Variants in NBPF11 observed in about 807,000 individuals in gnomAD.
NBPF11 encodes NBPF member 11.
A neutral mutation model predicts 93.9 loss-of-function variants in NBPF11; 72 were observed. That is an observed-to-expected ratio of 0.77 (90% CI 0.63 to 0.93). NBPF11 has a LOEUF of 0.93. Ranked by LOEUF, NBPF11 falls within the 40% of genes least tolerant of loss-of-function variation. The probability of loss-of-function intolerance (pLI) is 0.00; values close to 1 mark genes in which losing one functional copy is unlikely to be tolerated. For missense variants in NBPF11, 705 were observed against 802.2 expected, an observed-to-expected ratio of 0.88 and a Z score of 1.46; for synonymous variants, 224 against 304.9, an observed-to-expected ratio of 0.73 and a Z score of 2.76.
intron 1 of NBPF11, chr1:148,149,150 G>A (rs2149315616): frequency 1.3e-5 from 20 of 1,586,712 alleles, no homozygotes; most frequent in Middle Eastern, 2.3e-4. Flanking sequence ...ACCCTGCTCC[G>A]GCGCCGCCAG....
chr1:148,114,280 A>G (rs1665961195), intron 15 of NBPF11, among the ~76,000 whole-genome samples, 157 bp downstream of exon 15: 1 of 151,900 alleles, frequency 6.6e-6, no homozygotes, highest in Admixed American at 6.6e-5. Flanking sequence ...TAAAACCAAC[A>G]CAAGTGCCAC....
chr1:148,116,985 G>C (rs1214692872), intron 12 of NBPF11, among the ~76,000 whole-genome samples: 1 of 152,120 alleles, frequency 6.6e-6, no homozygotes, highest in African/African-American at 2.4e-5. Flanking sequence ...TGTTATTCAG[G>C]GACATTCTAT....
intron 21 of NBPF11, among the ~76,000 whole-genome samples, 183 bp from the exon 22 acceptor site, chr1:148,105,711 G>GAGAA (rs2149166176): frequency 2.1e-5 from 1 of 47,828 alleles, no homozygotes; most frequent in Non-Finnish European, 3.5e-5. Flanking sequence ...AAGAATGAAA[G>GAGAA]AGAAAGACAG....
At chr1:148,138,864 GT>G (rs1671757913) in intron 2 of NBPF11, among the ~76,000 whole-genome samples, 1 of 151,818 alleles carries the variant, frequency 6.6e-6, no homozygotes, top group Non-Finnish European at 1.5e-5. Context: ...GCCAAGGCAG[GT>G]GGATCACTTG....
At chr1:148,106,324 GC>G (rs1663604658) in intron 20 of NBPF11, 92 bp from the exon 21 acceptor site, 1 of 707,246 alleles carries the variant, frequency 1.4e-6, no homozygotes, top group Non-Finnish European at 2.6e-6. Flanking sequence ...GGGATCTCAG[GC>G]TCCTCAGCAT....
intron 1 of NBPF11, among the ~76,000 whole-genome samples, chr1:148,144,087 C>T (rs2355399): frequency 4.0e-4 from 61 of 151,522 alleles, no homozygotes; most frequent in Middle Eastern, 3.2e-3. Flanking sequence ...GAAGTTTTCA[C>T]AAAGTAAGGA....
chr1:148,105,765 C>A (rs1378354380), intron 21 of NBPF11, among the ~76,000 whole-genome samples: 2 of 87,766 alleles, frequency 2.3e-5, no homozygotes, highest in African/African-American at 9.2e-5. Context: ...CACAAAGACA[C>A]ACACACACAC....
rs1662525144 is a variant in NBPF11 at position 148,102,305 on chromosome 1, T to TA, written c.*1590dup. On this transcript the variant is annotated 3_prime_UTR_variant, in exon 24 of 24. Coordinates refer to ENST00000682118, the MANE Select transcript of NBPF11 (RefSeq NM_001385469.3). The stretch of plus-strand genomic sequence containing the variant: ...AGACCCAAAATTTGCAGCGTAGAGA[T>TA]ATGAATATAATAATAGACACAGGCA... 1 of 151,864 alleles carries TA rather than the reference T, an allele frequency of 6.6e-6. No homozygotes were observed. The highest frequency in any genetic ancestry group is 1.9e-4 in the East Asian group (1 of 5,206). The allele number at this position is 151,864 out of a possible 1,614,324, so 9.4% of individuals were successfully genotyped here. A position where few individuals can be genotyped will look rare whatever the true frequency, so the allele number is the denominator to read the frequency against.
chr1:148,142,351 T>A (rs1385034012), intron 2 of NBPF11, among the ~76,000 whole-genome samples: 2 of 151,956 alleles, frequency 1.3e-5, no homozygotes, highest in African/African-American at 4.9e-5. Context: ...CTGAAACACA[T>A]TATTCCTCTG....
intron 15 of NBPF11, among the ~76,000 whole-genome samples, chr1:148,111,251 A>G (rs1351294514): frequency 9.2e-5 from 14 of 152,230 alleles, no homozygotes; most frequent in Middle Eastern, 3.4e-3. Flanking sequence ...TCTGTAGGTC[A>G]CCATCATCAA....
chr1:148,146,617 G>A (rs1211057442), intron 1 of NBPF11: 45 of 1,610,986 alleles, frequency 2.8e-5, no homozygotes, highest in East Asian at 1.3e-4. Context: ...GGAGCGTGCC[G>A]ACTTCCAGTA....
chr1:148,103,665 C>T lies in NBPF11; in HGVS notation c.*231G>A, dbSNP rs1280345378. ...ATGACACCTCTCGGCTTAGTAAGGG[C>T]TGCTTATTGTGGGAATATGACTCCC... On this transcript the variant is annotated 3_prime_UTR_variant, in exon 24 of 24. Coordinates refer to ENST00000682118, the MANE Select transcript of NBPF11 (RefSeq NM_001385469.3). 1.4e-5 allele frequency: 22 copies of T among 1,611,074 alleles called. No homozygotes were observed. The highest frequency in any genetic ancestry group is 6.7e-5 in the African/African-American group (5 of 74,728).
chr1:148,109,565 T>C (rs1358771265), intron 16 of NBPF11, among the ~76,000 whole-genome samples: 1 of 147,264 alleles, frequency 6.8e-6, no homozygotes, highest in Non-Finnish European at 1.5e-5. Context: ...ATTTTCCCTA[T>C]GTGCTCTGTC....
chr1:148,141,654 C>A (rs1672190633), intron 2 of NBPF11, among the ~76,000 whole-genome samples: 1 of 151,786 alleles, frequency 6.6e-6, no homozygotes, highest in East Asian at 1.9e-4. Flanking sequence ...GCTAGCAGAT[C>A]AGTTAGGCAG....
chr1:148,113,287 A>C (rs1665746932), intron 15 of NBPF11, among the ~76,000 whole-genome samples: 1 of 151,974 alleles, frequency 6.6e-6, no homozygotes, highest in South Asian at 2.1e-4. Flanking sequence ...CTACCAAGCA[A>C]ATGGAAAGCA....
intron 15 of NBPF11, among the ~76,000 whole-genome samples, chr1:148,111,196 G>A (rs1231069862): frequency 5.9e-5 from 9 of 151,868 alleles, no homozygotes; most frequent in Non-Finnish European, 1.2e-4. Context: ...CACAGAAAGG[G>A]ATAGCATCAA....
At chr1:148,107,544 A>C (rs1289260298) in intron 19 of NBPF11, among the ~76,000 whole-genome samples, 167 bp downstream of exon 19, 2 of 152,414 alleles carry the variant, frequency 1.3e-5, no homozygotes, top group East Asian at 3.9e-4. Flanking sequence ...AAGGGGAGGA[A>C]GAAATGGAAA....
At chr1:148,115,754 C>A (rs2149210428) in intron 14 of NBPF11, 39 bp downstream of exon 14, 1 of 1,472,494 alleles carries the variant, frequency 6.8e-7, no homozygotes, top group African/African-American at 1.5e-5. Context: ...CTTCCTCAGC[C>A]TAGAGAGAGG....
Position 148,108,563 on chromosome 1 carries a change from G to A in NBPF11, c.1945C>T (p.Leu649=). The change falls in exon 18 of 24, where the codon CTG becomes TTG. Residue 649 remains leucine (L), a synonymous_variant. Coordinates refer to ENST00000682118, the MANE Select transcript of NBPF11 (RefSeq NM_001385469.3). ...CYSTPSVYLG[L]TDSCQPYRSA... Reference sequence around the variant, plus strand: ...CTGTAGGGCTGGCATGAGTCAGTCAGTCCAAGATAAACTGAAGGAGTTGAA... The same window carrying A: ...CTGTAGGGCTGGCATGAGTCAGTCAATCCAAGATAAACTGAAGGAGTTGAA... The A allele has an allele frequency of 6.2e-7, 1 of 1,603,312 alleles. No homozygotes were observed. The highest frequency in any genetic ancestry group is 1.1e-5 in the South Asian group (1 of 90,852).
Sources: gnomAD v4.1 joint callset for allele counts (sites outside exome capture counted in the v4.1 genomes callset) on GRCh38, gnomAD v4.1.1 for gene constraint, MANE v1.5 for transcripts, NCBI Gene and HGNC (gene_info 2026-07-23, HGNC 2026-07-21) for gene names.